ULK4: variants seen among roughly 807,000 people sequenced by gnomAD.
ULK4 encodes the protein unc-51 like kinase 4, also known as inactive serine/threonine-protein kinase ULK4.
ULK4 carries 133 observed loss-of-function variants against 160.6 expected under a neutral mutation model. That is an observed-to-expected ratio of 0.83 (90% CI 0.72 to 0.96). The LOEUF is 0.96. ULK4 is among the 40% of genes least tolerant of loss of function. ULK4 has a pLI of 0.00. For synonymous variants in ULK4, 534 were observed against 539.8 expected, an observed-to-expected ratio of 0.99 and a Z score of 0.15; for missense variants, 1,580 against 1,499.5, an observed-to-expected ratio of 1.05 and a Z score of -0.89.
intron 35 of ULK4, among the ~76,000 whole-genome samples, chr3:41,259,456 G>C (rs2078903489): frequency 6.6e-6 from 1 of 152,176 alleles, no homozygotes; most frequent in Non-Finnish European, 1.5e-5. Context: ...TTGCAGGAGA[G>C]GATGTGAGAA....
intron 17 of ULK4, among the ~76,000 whole-genome samples, chr3:41,860,363 T>G (rs1034422548): frequency 1.3e-5 from 2 of 152,164 alleles, no homozygotes; most frequent in African/African-American, 4.8e-5. Flanking sequence ...GCCTCTCTCT[T>G]TAGGTCTAAT....
In ULK4 at chr3:41,819,430, C is replaced by T. The variant is rs755193023; in HGVS notation, c.1841G>A (p.Arg614Gln). Residue 614 changes from arginine (R) to glutamine (Q), a missense_variant, in exon 19 of 37, where the codon CGG becomes CAG. Arg to Gln is a conservative substitution (Grantham distance 43, BLOSUM62 1). Coordinates refer to ENST00000301831, the MANE Select transcript of ULK4 (RefSeq NM_017886.4). ...AAYTVLMRCL[R>Q]EGEERVVNHM... ...ACAACAAAGGAGCCTTACCCCTTCC[C>T]GAAGGCACCTCATTAGCACTGTGTA... The T allele has an allele frequency of 4.3e-6, 7 of 1,613,518 alleles. No homozygotes were observed. The Admixed American group carries it at 6.7e-5, about 15-fold the overall frequency.
intron 20 of ULK4, among the ~76,000 whole-genome samples, chr3:41,793,864 T>C (rs909227561): frequency 1.3e-5 from 2 of 152,166 alleles, no homozygotes; most frequent in African/African-American, 4.8e-5. Flanking sequence ...TACCTACCAA[T>C]GCTGCCACTC....
At chr3:41,629,175 A>T (rs543878410) in intron 30 of ULK4, among the ~76,000 whole-genome samples, 1 of 152,308 alleles carries the variant, frequency 6.6e-6, no homozygotes, top group East Asian at 1.9e-4. Context: ...TCGGCAGGAC[A>T]CAGTGGGGAT....
intron 31 of ULK4, among the ~76,000 whole-genome samples, chr3:41,604,812 ACTTT>A (rs1039845701): frequency 1.3e-5 from 2 of 152,090 alleles, no homozygotes; most frequent in Non-Finnish European, 2.9e-5. Flanking sequence ...CTACCCGTGG[ACTTT>A]CTTTCTCAAA....
intron 17 of ULK4, among the ~76,000 whole-genome samples, chr3:41,837,623 G>A (rs963864043): frequency 2.0e-5 from 3 of 150,532 alleles, no homozygotes; most frequent in African/African-American, 7.4e-5. Flanking sequence ...GAATGCAGTC[G>A]CACGATCTCA....
chr3:41,640,546 A>C (rs573679126), intron 30 of ULK4, among the ~76,000 whole-genome samples: 2 of 152,322 alleles, frequency 1.3e-5, no homozygotes, highest in South Asian at 4.1e-4. Context: ...TGTGGGCTAC[A>C]TCCACTGCCC....
chr3:41,492,273 T>A (rs539373932), intron 32 of ULK4, among the ~76,000 whole-genome samples: 1 of 152,294 alleles, frequency 6.6e-6, no homozygotes, highest in East Asian at 1.9e-4. Context: ...GGACAAATGG[T>A]ATCTCTAGTT....
intron 32 of ULK4, among the ~76,000 whole-genome samples, chr3:41,492,480 A>T (rs1170386105): frequency 6.6e-6 from 1 of 151,104 alleles, no homozygotes; most frequent in African/African-American, 2.4e-5. Flanking sequence ...ATCATGCCAA[A>T]ATGTAAAGAC....
At chr3:41,579,205 G>A (rs1397477400) in intron 31 of ULK4, among the ~76,000 whole-genome samples, 1 of 152,152 alleles carries the variant, frequency 6.6e-6, no homozygotes, top group Non-Finnish European at 1.5e-5. Flanking sequence ...ATGAGCTTCA[G>A]CTTTAAGGGT....
intron 27 of ULK4, among the ~76,000 whole-genome samples, chr3:41,682,760 T>C (rs958204728): frequency 6.6e-6 from 1 of 152,242 alleles, no homozygotes; most frequent in Non-Finnish European, 1.5e-5. Flanking sequence ...AGCACAGATA[T>C]CATGCTTCAC....
At chr3:41,281,735 C>T (rs1447558112) in intron 35 of ULK4, among the ~76,000 whole-genome samples, 4 of 152,170 alleles carry the variant, frequency 2.6e-5, no homozygotes, top group East Asian at 1.9e-4. Context: ...CTTTGAAAAC[C>T]AGCACAAAAC....
chr3:41,760,992 G>A (rs2038963399), intron 21 of ULK4, among the ~76,000 whole-genome samples: 1 of 152,212 alleles, frequency 6.6e-6, no homozygotes, highest in Non-Finnish European at 1.5e-5. Flanking sequence ...GAAACCAGCT[G>A]CAAAGATTAT....
intron 35 of ULK4, among the ~76,000 whole-genome samples, chr3:41,263,973 A>G (rs150396594): frequency 1.8e-3 from 281 of 152,298 alleles, no homozygotes; most frequent in Middle Eastern, 0.01. Flanking sequence ...AACAAATACA[A>G]TAATTTGAGA....
At chr3:41,883,520 A>G (rs573336573) in intron 17 of ULK4, among the ~76,000 whole-genome samples, 1 of 152,378 alleles carries the variant, frequency 6.6e-6, no homozygotes, top group African/African-American at 2.4e-5. Flanking sequence ...AGGCCAAAAT[A>G]ATTTGAATTT....
chr3:41,669,736 C>T (rs778775808), intron 29 of ULK4, among the ~76,000 whole-genome samples: 4 of 151,334 alleles, frequency 2.6e-5, no homozygotes, highest in Non-Finnish European at 5.9e-5. Context: ...ATTTTTAGTA[C>T]ATCTATATAT....
intron 34 of ULK4, among the ~76,000 whole-genome samples, chr3:41,447,436 C>T (rs1297155156): frequency 6.6e-6 from 1 of 152,124 alleles, no homozygotes; most frequent in East Asian, 1.9e-4. Context: ...CTAGAGCAGG[C>T]AGCCTTGGCC....
chr3:41,709,747 A>G (rs1352664144), intron 25 of ULK4, among the ~76,000 whole-genome samples: 1 of 152,222 alleles, frequency 6.6e-6, no homozygotes, highest in East Asian at 1.9e-4. Context: ...ATTATTTCAC[A>G]TAATTCCAAA....
chr3:41,306,030 C>T (rs1289854980), intron 35 of ULK4, among the ~76,000 whole-genome samples: 2 of 149,872 alleles, frequency 1.3e-5, no homozygotes, highest in Non-Finnish European at 3.0e-5. Flanking sequence ...CTGGCAGTCG[C>T]CCCGTCTGAG....
Sources: allele counts gnomAD v4.1 joint callset (sites outside exome capture counted in the v4.1 genomes callset), GRCh38; gene constraint gnomAD v4.1.1; transcripts MANE v1.5; gene names NCBI Gene and HGNC (gene_info 2026-07-23, HGNC 2026-07-21).